The following PDXDC1 variants were observed in gnomAD, a reference collection of about 807,000 sequenced individuals.
The protein encoded by PDXDC1 is pyridoxal dependent decarboxylase domain containing 1, also known as pyridoxal-dependent decarboxylase domain-containing protein 1.
A neutral mutation model predicts 100.1 loss-of-function variants in PDXDC1; 42 were observed. The ratio of observed to expected loss-of-function variants is 0.42; its 90% CI spans 0.33 to 0.54. The LOEUF (loss-of-function observed/expected upper bound fraction) is 0.54. Among genes scored for constraint, PDXDC1 ranks in the 20% least tolerant of loss-of-function variants. PDXDC1 has a pLI of 0.10. For synonymous variants in PDXDC1, 260 were observed against 371.7 expected (o/e 0.70, Z 3.46); for missense variants, 636 against 979.2 (o/e 0.65, Z 4.68).
chr16:15,059,502 C>T (rs528174458), intron 16 of PDXDC1, among the ~76,000 whole-genome samples: 4 of 152,160 alleles, frequency 2.6e-5, no homozygotes, highest in South Asian at 2.1e-4. Flanking sequence ...GTTTAATTAG[C>T]GCTCAGAGAG....
At chr16:15,111,800 CAACTG>C (rs1419045349) in intron 16 of PDXDC1, among the ~76,000 whole-genome samples, 3 of 145,424 alleles carry the variant, frequency 2.1e-5, no homozygotes, top group Non-Finnish European at 4.6e-5. Flanking sequence ...ATACTTCACA[CAACTG>C]AACTGTACAC....
chr16:15,132,730 G>T, intron 16 of PDXDC1: 1 of 1,071,990 alleles, frequency 9.3e-7, no homozygotes. Context: ...CCATGCACTG[G>T]GCCAGCGCAG....
chr16:15,039,654 C>G (rs1355169435), downstream of PDXDC1, among the ~76,000 whole-genome samples: 5 of 152,308 alleles, frequency 3.3e-5, no homozygotes, highest in South Asian at 4.1e-4. Context: ...TCCCAGTTCT[C>G]CTCTCTTTGT....
intron 1 of PDXDC1, among the ~76,000 whole-genome samples, chr16:14,982,929 G>A (rs1488394120): frequency 6.6e-6 from 1 of 152,258 alleles, no homozygotes; most frequent in African/African-American, 2.4e-5. Context: ...GAAAGCTGTG[G>A]GAGGCAAGAG....
chr16:15,094,008 T>C, intron 16 of PDXDC1: 1 of 749,532 alleles, frequency 1.3e-6, no homozygotes, highest in South Asian at 1.5e-5. Context: ...CTCATTTCTG[T>C]GAACGTGAGA....
At chr16:15,061,781 G>A in intron 16 of PDXDC1, 2 of 1,614,028 alleles carry the variant, frequency 1.2e-6, no homozygotes, top group Non-Finnish European at 1.7e-6. Context: ...CACGGGTGGG[G>A]AGCCCACACT....
chr16:15,043,335 C>T (rs1025499966), intron 16 of PDXDC1, among the ~76,000 whole-genome samples: 1 of 152,188 alleles, frequency 6.6e-6, no homozygotes, highest in African/African-American at 2.4e-5. Flanking sequence ...CGTGCCCGGC[C>T]GGATATGAAC....
chr16:15,133,238 G>A (rs2048193564), intron 16 of PDXDC1: 17 of 1,428,510 alleles, frequency 1.2e-5, no homozygotes, highest in Non-Finnish European at 1.6e-5. Context: ...CAGCAGATGT[G>A]AGGTCCCCTG....
intron 8 of PDXDC1, among the ~76,000 whole-genome samples, chr16:15,012,851 TAAAAAAAAA>T (rs34263288): frequency 4.8e-5 from 7 of 146,484 alleles, no homozygotes; most frequent in Non-Finnish European, 1.1e-4. Flanking sequence ...GATCCTTTCT[TAAAAAAAAA>T]AAAAAAAAAT....
At chr16:15,146,489 C>A in the PDXDC1 span, among the ~76,000 whole-genome samples, 1 of 152,128 alleles carries the variant, frequency 6.6e-6, no homozygotes, top group Non-Finnish European at 1.5e-5. Flanking sequence ...ACGTCTCACA[C>A]ACACCAGAAC....
intron 16 of PDXDC1, among the ~76,000 whole-genome samples, chr16:15,101,041 G>A (rs1229004972): frequency 3.9e-5 from 6 of 152,056 alleles, no homozygotes; most frequent in Non-Finnish European, 2.9e-5. Context: ...TATTACTTTG[G>A]GCAATTGCCT....
chr16:15,098,642 G>A (rs2046438436), intron 16 of PDXDC1, among the ~76,000 whole-genome samples: 1 of 151,946 alleles, frequency 6.6e-6, no homozygotes, highest in African/African-American at 2.4e-5. Flanking sequence ...ACTTTTGGAG[G>A]CCAAGGTGGG....
chr16:15,078,985 G>C (rs924029449), intron 16 of PDXDC1, among the ~76,000 whole-genome samples: 6 of 151,852 alleles, frequency 4.0e-5, no homozygotes, highest in African/African-American at 1.5e-4. Context: ...CCAATTTTTT[G>C]TATTTTTAGT....
chr16:15,135,417 C>T (rs577449040), intron 16 of PDXDC1: 483 of 1,309,784 alleles, frequency 3.7e-4, no homozygotes, highest in African/African-American at 1.3e-3. Context: ...AGCGCACACC[C>T]GCCAGCCTCC....
intron 5 of PDXDC1, among the ~76,000 whole-genome samples, chr16:15,006,153 CAT>C (rs1308747087): frequency 6.6e-6 from 1 of 152,278 alleles, no homozygotes; most frequent in African/African-American, 2.4e-5. Context: ...TACTTGTTTT[CAT>C]AGTTTCTGCT....
chr16:15,083,917 T>A (rs1349177744), intron 16 of PDXDC1, among the ~76,000 whole-genome samples: 1 of 152,222 alleles, frequency 6.6e-6, no homozygotes, highest in Non-Finnish European at 1.5e-5. Flanking sequence ...GGTTTCTCCA[T>A]GTTGGTCAGG....
At chr16:15,095,165 G>C (rs2046309547) in intron 16 of PDXDC1, among the ~76,000 whole-genome samples, 1 of 151,958 alleles carries the variant, frequency 6.6e-6, no homozygotes, top group South Asian at 2.1e-4. Flanking sequence ...AGAGGAACAG[G>C]AGTCAGCCAG....
intron 16 of PDXDC1, chr16:15,110,474 A>G: frequency 6.3e-7 from 1 of 1,587,236 alleles, no homozygotes; most frequent in Non-Finnish European, 8.5e-7. Context: ...TTTTGTTGTC[A>G]CCTTCATCTT....
intron 21 of PDXDC1, among the ~76,000 whole-genome samples, chr16:15,034,864 T>C (rs572593200): frequency 6.6e-6 from 1 of 152,286 alleles, no homozygotes; most frequent in Non-Finnish European, 1.5e-5. Context: ...TGGTTCAGGG[T>C]TAATACTTCT....
Sources: allele counts gnomAD v4.1 joint callset (sites outside exome capture counted in the v4.1 genomes callset), GRCh38; gene constraint gnomAD v4.1.1; transcripts MANE v1.5; gene names NCBI Gene and HGNC (gene_info 2026-07-23, HGNC 2026-07-21).